SLC2A6: variants seen among roughly 807,000 people sequenced by gnomAD.
The protein encoded by SLC2A6 is solute carrier family 2, facilitated glucose transporter member 6.
SLC2A6 carries 39 observed loss-of-function variants against 47.8 expected under a neutral mutation model. The ratio of observed to expected loss-of-function variants is 0.82; its 90% CI spans 0.63 to 1.07. SLC2A6 has a LOEUF of 1.07. Ranked by LOEUF, SLC2A6 falls within the 50% of genes least tolerant of loss-of-function variation. The pLI is 0.00. For missense variants in SLC2A6, 650 were observed against 707.6 expected (o/e 0.92, Z 0.92); for synonymous variants, 346 against 324.1 (o/e 1.07, Z -0.73).
At chr9:133,472,799 G>A (rs587685716) in intron 9 of SLC2A6, among the ~76,000 whole-genome samples, 8 of 152,300 alleles carry the variant, frequency 5.3e-5, no homozygotes, top group Admixed American at 3.3e-4. Flanking sequence ...GATGAGGCAC[G>A]GTGGGGAGGT....
intron 1 of SLC2A6, 191 bp downstream of exon 1, chr9:133,478,777 G>A (rs903945623): frequency 3.3e-6 from 2 of 603,334 alleles, no homozygotes; most frequent in Non-Finnish European, 5.7e-6. Context: ...CGGTACTCTC[G>A]TGGATCGTTC....
chr9:133,477,886 A>G (rs893888629), intron 2 of SLC2A6, among the ~76,000 whole-genome samples: 2 of 152,182 alleles, frequency 1.3e-5, no homozygotes, highest in African/African-American at 4.8e-5. Flanking sequence ...ATCAGCCCAC[A>G]ATCTGTCCTG....
Position 133,475,089 on chromosome 9 carries a change from C to A in SLC2A6, c.799G>T (p.Ala267Ser). ...GGCCGGCACACGTGTGGGGCCCGTGCCTCAGCCCACGATACTCGGCTGCTC... is the reference window on the plus strand; with the variant it reads ...GGCCGGCACACGTGTGGGGCCCGTGACTCAGCCCACGATACTCGGCTGCTC... ...RQSSRVSWAE[A>S]RAPHVCRPIT... Residue 267 changes from alanine to serine, a missense_variant, in exon 6 of 10, where the codon GCA becomes TCA. Transcript: ENST00000371899. 6.3e-7 allele frequency: 1 copy of A among 1,586,260 alleles called. No individual in the cohort carries two copies.
intron 6 of SLC2A6, among the ~76,000 whole-genome samples, chr9:133,474,545 T>C (rs1345146063): frequency 1.3e-5 from 2 of 152,174 alleles, no homozygotes; most frequent in African/African-American, 4.8e-5. Context: ...TAAAGCTGGT[T>C]TCCTTTGTAA....
At chr9:133,476,489 T>C (rs1554803417) in intron 3 of SLC2A6, 153 bp from the exon 4 acceptor site, 2 of 653,282 alleles carry the variant, frequency 3.1e-6, no homozygotes, top group South Asian at 1.8e-5. Flanking sequence ...CTGCAAGACC[T>C]TGGGCGGCCT....
rs782402522 is a variant in SLC2A6, at chr9:133,472,054, G to A, written c.1491C>T (p.Phe497=). The A allele has an allele frequency of 1.2e-6, 2 of 1,613,140 alleles. No individual in the cohort carries two copies. The highest frequency in any genetic ancestry group is 2.7e-5 in the African/African-American group (2 of 74,884). ...AGAAGGACCTTCTCCCCGTGCGGAA[G>A]AAGGACTCGATCTGCTCCAGGGACC... is the stretch of plus-strand genomic sequence containing the variant. ...KGRSLEQIES[F]FRTGRRSFLR The change falls in exon 10 of 10, where the codon TTC becomes TTT. Residue 497 remains phenylalanine (F), a synonymous_variant. Coordinates refer to ENST00000371899, the MANE Select transcript of SLC2A6 (RefSeq NM_017585.4).
chr9:133,478,441 A>T (rs1844043515), intron 1 of SLC2A6, 25 bp from the exon 2 acceptor site: 1 of 1,613,204 alleles, frequency 6.2e-7, no homozygotes, highest in South Asian at 1.1e-5. Flanking sequence ...GGACAAAAAG[A>T]CCAGGGTCTC....
chr9:133,473,942 G>A (rs1554802447), intron 7 of SLC2A6, 38 bp downstream of exon 7: 1 of 1,496,568 alleles, frequency 6.7e-7, no homozygotes, highest in African/African-American at 1.4e-5. Flanking sequence ...GACCCATGCG[G>A]AGGAGTGGGG....
At chr9:133,478,567 C>T (rs1379595046) in intron 1 of SLC2A6, 151 bp from the exon 2 acceptor site, 2 of 806,278 alleles carry the variant, frequency 2.5e-6, no homozygotes, top group Non-Finnish European at 3.9e-6. Flanking sequence ...GCCTGAGCCC[C>T]AGCTCCCCTG....
At chr9:133,472,223 C>T (rs587687677) in intron 9 of SLC2A6, 47 bp from the exon 10 acceptor site, 1 of 1,602,538 alleles carries the variant, frequency 6.2e-7, no homozygotes, top group South Asian at 1.1e-5. Context: ...GCTCCAGGGT[C>T]CTCCTGCCCC....
At chr9:133,475,696 C>A in intron 4 of SLC2A6, 85 bp from the exon 5 acceptor site, 1 of 1,244,600 alleles carries the variant, frequency 8.0e-7, no homozygotes. Context: ...CTCATCTGCC[C>A]TTCAAGGTCT....
chr9:133,472,249 C>T lies in SLC2A6; in HGVS notation c.1369-73G>A, dbSNP rs587640579. The T allele has an allele frequency of 3.5e-5, 55 of 1,564,502 alleles. No individual in the cohort carries two copies. In the East Asian group the frequency reaches 4.5e-4, roughly 13 times the overall value. On this transcript the variant is annotated intron_variant, in intron 9 of 9. Coordinates refer to ENST00000371899, the MANE Select transcript of SLC2A6 (RefSeq NM_017585.4). ...CTCCTGCCCCAGAGGAGCTCGTGGG[C>T]GCTGCTGGTAGTGACCAGCCCTGTG...
rs782717846 is a variant in SLC2A6, at chr9:133,475,577, G to A, written c.597C>T (p.Ala199=). Residue 199 remains alanine, a synonymous_variant, in exon 5 of 10, where the codon GCC becomes GCT. Coordinates refer to ENST00000371899, the MANE Select transcript of SLC2A6 (RefSeq NM_017585.4). Reference sequence around the variant, plus strand: ...TCATGATGAGCACAGGCGCCTCCCCGGCCACAGCCAGCCAGCGCCACGGCA... The same window carrying A: ...TCATGATGAGCACAGGCGCCTCCCCAGCCACAGCCAGCCAGCGCCACGGCA... ...LLLPWRWLAV[A]GEAPVLIMIL... The A allele has an allele frequency of 4.8e-5, 77 of 1,605,984 alleles. No individual in the cohort carries two copies. Among genetic ancestry groups the A allele is most frequent in the Non-Finnish European group, 5.5e-5 (65 of 1,178,034 alleles).
At chr9:133,473,368 C>G in intron 8 of SLC2A6, 47 bp downstream of exon 8, 1 of 1,546,780 alleles carries the variant, frequency 6.5e-7, no homozygotes. Context: ...TCACCCATCC[C>G]TTAACACCCA....
Position 133,475,018 on chromosome 9 carries a change from GC to G in SLC2A6, c.869del (p.Gly290AlafsTer38). ...GCAGGTAGACCAGGATGGGCGTGATGCCCGTCAGCTGCTGCAGGAGGCGCAT... is the reference window on the plus strand; with the variant it reads ...GCAGGTAGACCAGGATGGGCGTGATGCCGTCAGCTGCTGCAGGAGGCGCAT... ...LLMRLLQQLT[G>X]ITPILVYLQS... On this transcript the variant is annotated frameshift_variant, in exon 6 of 10. Transcript: ENST00000371899. LOFTEE classifies it high-confidence loss of function. 6.3e-7 allele frequency: 1 copy of G among 1,595,780 alleles called. No individual in the cohort carries two copies. The highest frequency in any genetic ancestry group is 1.7e-4 in the Middle Eastern group (1 of 5,748).
chr9:133,478,133 G>T, intron 2 of SLC2A6, 121 bp downstream of exon 2: 1 of 1,026,156 alleles, frequency 9.7e-7, no homozygotes, highest in Non-Finnish European at 1.4e-6. Context: ...GGCTGGGGGA[G>T]GGGGGACCAG....
chr9:133,471,818 C>T lies in SLC2A6; in HGVS notation c.*203G>A. The T allele has an allele frequency of 1.7e-6, 1 of 604,726 alleles. No homozygotes were observed. Among genetic ancestry groups the T allele is most frequent in the East Asian group, 2.8e-5 (1 of 35,482 alleles). 37.5% of individuals were successfully genotyped at this position (604,726 alleles called of 1,614,324 possible). A position where few individuals can be genotyped will look rare whatever the true frequency, so the allele number is the denominator to read the frequency against. On this transcript the variant is annotated 3_prime_UTR_variant, in exon 10 of 10. Transcript: ENST00000371899. ...GGCTACGTGCAGCACTGTGGGCTGC[C>T]TGGGCTGGGGCTGTGGCTGGACAGC...
Position 133,472,039 on chromosome 9 carries a change from T to C in SLC2A6, c.1506A>G (p.Arg502=). ...CCTTGACCTAGCGCAAGAAGGACCT[T>C]CTCCCCGTGCGGAAGAAGGACTCGA... ...EQIESFFRTG[R]RSFLR is the part of the protein sequence containing the mutation. The change falls in exon 10 of 10, where the codon AGA becomes AGG. Residue 502 remains arginine (R), a synonymous_variant. Coordinates refer to ENST00000371899, the MANE Select transcript of SLC2A6 (RefSeq NM_017585.4). 6.2e-7 allele frequency: 1 copy of C among 1,612,788 alleles called. No homozygotes were observed. The highest frequency in any genetic ancestry group is 8.5e-7 in the Non-Finnish European group (1 of 1,179,642).
At chr9:133,475,698 TCAAGGTCTAGTC>T in intron 4 of SLC2A6, 87 bp from the exon 5 acceptor site, 1 of 1,242,820 alleles carries the variant, frequency 8.0e-7, no homozygotes, top group Non-Finnish European at 1.1e-6. Flanking sequence ...CATCTGCCCT[TCAAGGTCTAGTC>T]CAAGGGCCAT....
Sources: allele counts gnomAD v4.1 joint callset (sites outside exome capture counted in the v4.1 genomes callset), GRCh38; gene constraint gnomAD v4.1.1; transcripts MANE v1.5; gene names NCBI Gene and HGNC (gene_info 2026-07-23, HGNC 2026-07-21).